METTL15: variants seen among roughly 807,000 people sequenced by gnomAD.
METTL15 encodes 12S rRNA N(4)-cytidine methyltransferase METTL15.
In METTL15, 34 loss-of-function variants were observed where a neutral mutation model predicts 38.3. The observed-to-expected ratio is 0.89, with a 90% confidence interval of 0.68 to 1.18. The LOEUF is 1.18. Among genes scored for constraint, METTL15 ranks in the 50% most tolerant of loss-of-function variants. The pLI, the probability that METTL15 is intolerant of heterozygous loss-of-function variation, is 0.00. For synonymous variants in METTL15, 162 were observed against 170.9 expected (o/e 0.95, Z 0.41); for missense variants, 438 against 498.4 (o/e 0.88, Z 1.15).
At chr11:28,390,678 G>C (rs1283150665) in intron 5 of METTL15, among the ~76,000 whole-genome samples, 3 of 152,166 alleles carry the variant, frequency 2.0e-5, no homozygotes, top group Admixed American at 1.3e-4. Context: ...CTCCAGCTTT[G>C]TTCTTGTGGC....
chr11:28,457,888 A>G (rs1851182403), intron 6 of METTL15, among the ~76,000 whole-genome samples: 1 of 152,232 alleles, frequency 6.6e-6, no homozygotes, highest in South Asian at 2.1e-4. Context: ...CTTAGACCTA[A>G]TATCATTTTT....
In METTL15 at chr11:28,378,351, C is replaced by G. The variant is rs146357429; in HGVS notation, c.*358+16315C>G. ...CTCTGAGCCAGGTGCGGGATATAAT[C>G]TCGTGGTGCATCGCTTTTTAAGCCT... is the stretch of plus-strand genomic sequence containing the variant. On this transcript the variant is annotated intron_variant and NMD_transcript_variant, in intron 5 of 7. Transcript: ENST00000532947. Among the ~76,000 whole-genome samples the G allele has an allele frequency of 5.5e-3, 842 of 152,330 alleles. 6 individuals carry two copies. Among genetic ancestry groups the G allele is most frequent in the African/African-American group, 0.02 (812 of 41,584 alleles).
intron 4 of METTL15, among the ~76,000 whole-genome samples, chr11:28,233,314 A>T (rs915153995): frequency 6.6e-6 from 1 of 152,140 alleles, no homozygotes. Flanking sequence ...CTTTGGAAGT[A>T]ATCAGGATAG....
At chr11:28,431,090 C>T (rs1215488284) in intron 6 of METTL15, among the ~76,000 whole-genome samples, 1 of 61,112 alleles carries the variant, frequency 1.6e-5, no homozygotes, top group African/African-American at 4.5e-5. Flanking sequence ...CGCCTCTGCC[C>T]GGCCGCCCCT....
At chr11:28,208,221 T>G (rs1379562763) in intron 3 of METTL15, among the ~76,000 whole-genome samples, 1 of 152,222 alleles carries the variant, frequency 6.6e-6, no homozygotes, top group Non-Finnish European at 1.5e-5. Flanking sequence ...GTTTTTGATC[T>G]TTCCTGCTTT....
intron 6 of METTL15, 81 bp downstream of exon 6, chr11:28,297,012 T>A: frequency 7.2e-7 from 1 of 1,392,728 alleles, no homozygotes; most frequent in Non-Finnish European, 1.0e-6. Context: ...CATGCACGCA[T>A]GCACATGTGT....
At chr11:28,478,158 A>AC (rs1851363118) in intron 6 of METTL15, among the ~76,000 whole-genome samples, 1 of 152,208 alleles carries the variant, frequency 6.6e-6, no homozygotes, top group Non-Finnish European at 1.5e-5. Context: ...TAAAGAAAGG[A>AC]CCATCTGGAA....
chr11:28,199,012 T>G (rs1438537348), intron 3 of METTL15, among the ~76,000 whole-genome samples: 1 of 151,492 alleles, frequency 6.6e-6, no homozygotes, highest in African/African-American at 2.4e-5. Flanking sequence ...CCAAATAAAC[T>G]TGTCATACTA....
chr11:28,285,513 C>G (rs1340949209), intron 4 of METTL15, among the ~76,000 whole-genome samples: 1 of 152,050 alleles, frequency 6.6e-6, no homozygotes, highest in East Asian at 1.9e-4. Flanking sequence ...AACATGATAG[C>G]TATAGTAGTT....
chr11:28,503,771 A>G (rs1223757101), intron 6 of METTL15, among the ~76,000 whole-genome samples: 3 of 152,082 alleles, frequency 2.0e-5, no homozygotes, highest in Non-Finnish European at 4.4e-5. Flanking sequence ...AGCCTGGGCA[A>G]CAGAACAAGG....
In METTL15 at chr11:28,420,923, GT is replaced by G. The variant is rs568222355; in HGVS notation, c.*359-3368del. Among the ~76,000 whole-genome samples the G allele has an allele frequency of 1.7e-3, 251 of 151,766 alleles. 2 individuals carry two copies. Among genetic ancestry groups the G allele is most frequent in the South Asian group, 5.8e-3 (28 of 4,814 alleles). ...CAATAGAAAAGATAAACTAAAAGTT[GT>G]TTTTTTTAAAAAGATAAACAAAATT... On this transcript the variant is annotated intron_variant and NMD_transcript_variant, in intron 5 of 7. Coordinates refer to the METTL15 transcript ENST00000532947.
rs1362281973 is a variant in METTL15 at position 28,142,263 on chromosome 11, G to A, written c.270+28659G>A. The stretch of plus-strand genomic sequence containing the variant: ...GTTTTATAGATAGAAAAGGGCCAAA[G>A]AAAAGAGAAACAAAGAACAAGAAGT... On this transcript the variant is annotated intron_variant, in intron 3 of 6. Coordinates refer to ENST00000407364, the MANE Select transcript of METTL15 (RefSeq NM_001113528.2). Among the ~76,000 whole-genome samples, 4 of 152,224 alleles carry A rather than the reference G, an allele frequency of 2.6e-5. No individual in the cohort carries two copies. The South Asian group carries it at 6.2e-4, about 24-fold the overall frequency.
chr11:28,377,294 C>T (rs1450283481), intron 5 of METTL15, among the ~76,000 whole-genome samples: 2 of 151,814 alleles, frequency 1.3e-5, no homozygotes, highest in African/African-American at 4.8e-5. Context: ...CTTTCAGGTA[C>T]ACCAATCAGA....
intron 5 of METTL15, among the ~76,000 whole-genome samples, chr11:28,388,828 C>A (rs937056033): frequency 1.3e-5 from 2 of 151,994 alleles, no homozygotes; most frequent in Admixed American, 1.3e-4. Context: ...CTATCCCTCC[C>A]CCCTACACCC....
intron 2 of METTL15, among the ~76,000 whole-genome samples, chr11:28,112,935 A>G (rs1851777577): frequency 6.6e-6 from 1 of 152,200 alleles, no homozygotes; most frequent in Non-Finnish European, 1.5e-5. Flanking sequence ...CATCCTGATT[A>G]CTTTTCAAAT....
At chr11:28,124,489 T>A (rs1309030173) in intron 3 of METTL15, among the ~76,000 whole-genome samples, 3 of 152,058 alleles carry the variant, frequency 2.0e-5, no homozygotes, top group Non-Finnish European at 4.4e-5. Flanking sequence ...AAGGAAACCT[T>A]ATATTTATAA....
chr11:28,263,505 A>G (rs1447965086), intron 4 of METTL15, among the ~76,000 whole-genome samples: 1 of 152,112 alleles, frequency 6.6e-6, no homozygotes, highest in Non-Finnish European at 1.5e-5. Context: ...TTTGTAGACA[A>G]TAGAATAAGA....
rs1850322229 is a variant in METTL15 at position 28,377,000 on chromosome 11, T to C, written c.*358+14964T>C. On this transcript the variant is annotated intron_variant and NMD_transcript_variant, in intron 5 of 7. Coordinates refer to the METTL15 transcript ENST00000532947. ...TTGAATATTGGCCCCCACTCTCTTC[T>C]GGCTTGTAGGGTTTCTGCCGAGAGA... is the stretch of plus-strand genomic sequence containing the variant. Among the ~76,000 whole-genome samples the C allele has an allele frequency of 5.5e-5, 7 of 127,484 alleles. No individual in the cohort carries two copies. The South Asian group carries it at 1.8e-3, about 33-fold the overall frequency. 83.6% of individuals were successfully genotyped at this position (127,484 alleles called of 152,430 possible).
At chr11:28,205,953 T>G (rs1380013009) in intron 3 of METTL15, among the ~76,000 whole-genome samples, 1 of 147,332 alleles carries the variant, frequency 6.8e-6, no homozygotes, top group Non-Finnish European at 1.5e-5. Context: ...TTGATGGGGT[T>G]GTTTGTTTTT....
Sources: gnomAD v4.1 joint callset for allele counts (sites outside exome capture counted in the v4.1 genomes callset) on GRCh38, gnomAD v4.1.1 for gene constraint, MANE v1.5 for transcripts, NCBI Gene and HGNC (gene_info 2026-07-23, HGNC 2026-07-21) for gene names.